CALN1: variants seen among roughly 807,000 people sequenced by gnomAD.
CALN1 encodes calcium-binding protein 8.
In CALN1, 17 loss-of-function variants were observed where a neutral mutation model predicts 30.6. That is an observed-to-expected ratio of 0.56 (90% CI 0.38 to 0.83). The LOEUF (loss-of-function observed/expected upper bound fraction) is 0.83. CALN1 is among the 40% of genes least tolerant of loss of function. CALN1 has a pLI of 0.00. For synonymous variants in CALN1, 156 were observed against 131.4 expected (o/e 1.19, Z -1.28); for missense variants, 291 against 354.9 (o/e 0.82, Z 1.45).
chr7:72,053,871 C>T (rs191559901), intron 4 of CALN1, among the ~76,000 whole-genome samples: 2 of 148,778 alleles, frequency 1.3e-5, no homozygotes, highest in Non-Finnish European at 3.0e-5. Context: ...TCTTACGTAT[C>T]GGTGAGAACA....
chr7:72,409,454 C>A (rs1324866785), intron 1 of CALN1, among the ~76,000 whole-genome samples: 1 of 146,298 alleles, frequency 6.8e-6, no homozygotes. Flanking sequence ...TTAAACGGAT[C>A]TCTGTGCCAG....
At chr7:72,281,135 T>TA (rs757061611) in intron 2 of CALN1, among the ~76,000 whole-genome samples, 3,151 of 142,096 alleles carry the variant, frequency 0.022, 85 homozygotes, top group African/African-American at 0.069. Flanking sequence ...CAAGAGCGTC[T>TA]AAAAAAAAAA....
At chr7:72,080,666 C>A (rs988025562) in intron 4 of CALN1, among the ~76,000 whole-genome samples, 2 of 152,044 alleles carry the variant, frequency 1.3e-5, no homozygotes, top group African/African-American at 4.8e-5. Flanking sequence ...GCCTGCTGAA[C>A]AAGGTGTGCT....
chr7:72,222,796 G>A (rs1188651474), intron 3 of CALN1, among the ~76,000 whole-genome samples: 1 of 152,160 alleles, frequency 6.6e-6, no homozygotes, highest in Non-Finnish European at 1.5e-5. Context: ...CAAAGGGCAA[G>A]GACTGCTTAA....
rs114167505 is a variant in CALN1 at position 72,388,706 on chromosome 7, G to T, written c.119+14545C>A. Among the ~76,000 whole-genome samples the T allele has an allele frequency of 2.8e-3, 420 of 152,316 alleles. 3 individuals are homozygous for T. Among genetic ancestry groups the T allele is most frequent in the African/African-American group, 9.9e-3 (412 of 41,566 alleles). On this transcript the variant is annotated intron_variant, in intron 2 of 6. Coordinates refer to ENST00000395275, the MANE Select transcript of CALN1 (RefSeq NM_031468.4). ...AAAAGATGGCCTAAAAATGCAGAGA[G>T]AGAGAGAGAATCATGGCTTAAGCAT...
the CALN1 span, among the ~76,000 whole-genome samples, chr7:72,454,098 G>A: frequency 6.6e-6 from 1 of 152,032 alleles, no homozygotes; most frequent in Non-Finnish European, 1.5e-5. Context: ...AGGTGTGTTA[G>A]GTAAATGTCC....
intron 4 of CALN1, among the ~76,000 whole-genome samples, chr7:72,045,285 C>T (rs1226433058): frequency 6.6e-6 from 1 of 152,146 alleles, no homozygotes; most frequent in East Asian, 1.9e-4. Flanking sequence ...CTGGGAGACC[C>T]AGGTCTGCAA....
At chr7:72,225,106 A>C (rs1793578988) in intron 3 of CALN1, among the ~76,000 whole-genome samples, 1 of 151,924 alleles carries the variant, frequency 6.6e-6, no homozygotes, top group African/African-American at 2.4e-5. Flanking sequence ...CATCTCAAAA[A>C]AAAAAAAGCA....
chr7:72,239,962 G>A (rs981734858), intron 3 of CALN1, among the ~76,000 whole-genome samples: 13 of 152,090 alleles, frequency 8.5e-5, no homozygotes, highest in Admixed American at 3.3e-4. Context: ...ATTTCTATTC[G>A]ACCATGCTGA....
intron 2 of CALN1, among the ~76,000 whole-genome samples, chr7:72,356,796 T>C (rs995969570): frequency 6.6e-6 from 1 of 151,940 alleles, no homozygotes; most frequent in Non-Finnish European, 1.5e-5. Context: ...AGCTAAAAAC[T>C]GTAAATTAGG....
At chr7:72,369,035 G>A (rs912545473) in intron 2 of CALN1, among the ~76,000 whole-genome samples, 1 of 150,964 alleles carries the variant, frequency 6.6e-6, no homozygotes, top group Non-Finnish European at 1.5e-5. Context: ...GGCTGATCTC[G>A]AACTCCTGAC....
At chr7:72,191,489 C>A (rs1169388734) in intron 3 of CALN1, among the ~76,000 whole-genome samples, 1 of 137,292 alleles carries the variant, frequency 7.3e-6, no homozygotes, top group Non-Finnish European at 1.5e-5. Context: ...ATAATCTCAA[C>A]TACATGGGAG....
intron 1 of CALN1, among the ~76,000 whole-genome samples, chr7:72,429,054 A>C (rs1328270647): frequency 6.6e-6 from 1 of 152,196 alleles, no homozygotes. Flanking sequence ...AAAACTGACA[A>C]ATAATATTCT....
chr7:71,858,771 C>T (rs1791097528), intron 5 of CALN1, among the ~76,000 whole-genome samples: 1 of 152,164 alleles, frequency 6.6e-6, no homozygotes, highest in African/African-American at 2.4e-5. Flanking sequence ...GTTGTCTTGC[C>T]TTTCCCGACC....
the CALN1 span, among the ~76,000 whole-genome samples, chr7:72,497,372 G>A: frequency 5.9e-5 from 9 of 152,168 alleles, no homozygotes; most frequent in Admixed American, 6.5e-5. Context: ...CCTGGGAGGC[G>A]GAGGTTGCAG....
chr7:72,255,404 CTTTTT>C (rs1191148340), intron 3 of CALN1, among the ~76,000 whole-genome samples: 3 of 139,450 alleles, frequency 2.2e-5, no homozygotes, highest in East Asian at 2.2e-4. Flanking sequence ...CTTTTCTTTT[CTTTTT>C]TTATTATTAT....
intron 5 of CALN1, among the ~76,000 whole-genome samples, chr7:72,015,727 A>G (rs1800341370): frequency 6.6e-6 from 1 of 152,152 alleles, no homozygotes; most frequent in Non-Finnish European, 1.5e-5. Flanking sequence ...TATAGGTGTG[A>G]GTCACTTGCT....
At chr7:71,937,727 C>A (rs980650101) in intron 5 of CALN1, among the ~76,000 whole-genome samples, 3 of 152,184 alleles carry the variant, frequency 2.0e-5, no homozygotes, top group African/African-American at 7.2e-5. Context: ...AGTCCTCCCA[C>A]CTCAGCCTCC....
chr7:72,251,040 C>T (rs1795519509), intron 3 of CALN1, among the ~76,000 whole-genome samples: 1 of 152,096 alleles, frequency 6.6e-6, no homozygotes, highest in Admixed American at 6.6e-5. Flanking sequence ...ACATAGAGAC[C>T]AGACCAATCA....
Sources: gnomAD v4.1 joint callset for allele counts (sites outside exome capture counted in the v4.1 genomes callset) on GRCh38, gnomAD v4.1.1 for gene constraint, MANE v1.5 for transcripts, NCBI Gene and HGNC (gene_info 2026-07-23, HGNC 2026-07-21) for gene names.